Variants in BBS9 observed in about 807,000 individuals in gnomAD.
BBS9 encodes protein PTHB1.
A neutral mutation model predicts 117.7 loss-of-function variants in BBS9; 89 were observed. That is an observed-to-expected ratio of 0.76 (90% confidence interval 0.64 to 0.90). The LOEUF (loss-of-function observed/expected upper bound fraction) is 0.90, where lower values mean the gene tolerates loss of function less well. Among genes scored for constraint, BBS9 ranks in the 40% least tolerant of loss-of-function variants. BBS9 has a pLI of 0.00. For synonymous variants in BBS9, 379 were observed against 370.9 expected (o/e 1.02, Z -0.25); for missense variants, 982 against 1,042.2 (o/e 0.94, Z 0.80).
At chr7:33,467,307 GCTATATC>G (rs372004392) in intron 19 of BBS9, among the ~76,000 whole-genome samples, 349 of 152,122 alleles carry the variant, frequency 2.3e-3, no homozygotes, top group African/African-American at 8.0e-3. Context: ...AGAATGACAT[GCTATATC>G]CTTGTTTGTT....
chr7:33,518,439 C>T (rs983678118), intron 20 of BBS9, among the ~76,000 whole-genome samples: 13 of 151,472 alleles, frequency 8.6e-5, no homozygotes, highest in Non-Finnish European at 1.5e-4. Context: ...TTAATAGAGA[C>T]GGGGTTTCAT....
rs538324339 is a variant in BBS9 at position 33,292,776 on chromosome 7, G to A, written c.1016+18820G>A. On this transcript the variant is annotated intron_variant, in intron 9 of 22. Coordinates refer to ENST00000242067, the MANE Select transcript of BBS9 (RefSeq NM_198428.3). ...CTCTCCCAGCACTTTGGGAAGCCAA[G>A]GCAGGTGGATCACGAGATCAGGACT... Among the ~76,000 whole-genome samples, 33 of 152,202 alleles carry A rather than the reference G, an allele frequency of 2.2e-4. No homozygotes were observed. The South Asian group carries it at 6.8e-3, about 32-fold the overall frequency.
chr7:33,609,363 C>G (rs747290955), downstream of BBS9, among the ~76,000 whole-genome samples: 1 of 152,138 alleles, frequency 6.6e-6, no homozygotes, highest in Non-Finnish European at 1.5e-5. Context: ...TCTTCATTAG[C>G]TAGATTATTA....
intron 16 of BBS9, among the ~76,000 whole-genome samples, chr7:33,360,116 A>G (rs1179429946): frequency 2.0e-5 from 3 of 152,192 alleles, no homozygotes; most frequent in Admixed American, 6.5e-5. Context: ...TCCATACTAT[A>G]AAATCATTTG....
chr7:33,270,163 C>G (rs992207884), intron 7 of BBS9, among the ~76,000 whole-genome samples: 2 of 152,032 alleles, frequency 1.3e-5, no homozygotes, highest in African/African-American at 4.8e-5. Context: ...AAAAACCTTG[C>G]AGAAAGCTTC....
intron 8 of BBS9, 93 bp downstream of exon 8, chr7:33,273,288 T>C: frequency 7.7e-7 from 1 of 1,296,254 alleles, no homozygotes; most frequent in Non-Finnish European, 1.1e-6. Flanking sequence ...ATTGTAAACA[T>C]ATATGAAAAC....
At chr7:33,446,411 A>T (rs1025382220) in intron 19 of BBS9, among the ~76,000 whole-genome samples, 1 of 152,234 alleles carries the variant, frequency 6.6e-6, no homozygotes, top group Non-Finnish European at 1.5e-5. Context: ...CCAAATGTTA[A>T]ATCTGTTTTT....
At chr7:33,289,714 A>G (rs1803616411) in intron 9 of BBS9, among the ~76,000 whole-genome samples, 1 of 152,084 alleles carries the variant, frequency 6.6e-6, no homozygotes, top group Admixed American at 6.5e-5. Flanking sequence ...TTTCTTGTAA[A>G]TGGGTAGTTA....
chr7:33,609,476 A>G (rs1200993271), downstream of BBS9, among the ~76,000 whole-genome samples: 1 of 152,148 alleles, frequency 6.6e-6, no homozygotes, highest in Non-Finnish European at 1.5e-5. Context: ...TTGCTTATTG[A>G]CAGAATAACT....
At chr7:33,401,102 C>A (rs534029084) in intron 19 of BBS9, among the ~76,000 whole-genome samples, 14 of 152,300 alleles carry the variant, frequency 9.2e-5, no homozygotes, top group African/African-American at 3.1e-4. Flanking sequence ...GAGAATTAGG[C>A]CCTCAGCCAA....
At chr7:33,210,130 T>G (rs532225636) in intron 5 of BBS9, among the ~76,000 whole-genome samples, 10 of 152,364 alleles carry the variant, frequency 6.6e-5, no homozygotes, top group Admixed American at 2.6e-4. Flanking sequence ...TCAATTTCCT[T>G]CTTAATTTCT....
At chr7:33,451,139 C>T (rs149968944) in intron 19 of BBS9, among the ~76,000 whole-genome samples, 11,292 of 152,116 alleles carry the variant, frequency 0.074, 473 homozygotes, top group East Asian at 0.14. Context: ...CTGCCTGCCT[C>T]GGCCTCCCAA....
chr7:33,178,818 A>G (rs1251367498), intron 5 of BBS9, among the ~76,000 whole-genome samples: 2 of 152,076 alleles, frequency 1.3e-5, no homozygotes, highest in African/African-American at 4.8e-5. Flanking sequence ...AAGACAAGGA[A>G]TAATTGAATT....
At chr7:33,326,751 CCCAGGGTATGTTTAGAAATGTCAT>C (rs1308260005) in intron 9 of BBS9, among the ~76,000 whole-genome samples, 2 of 151,826 alleles carry the variant, frequency 1.3e-5, no homozygotes, top group African/African-American at 4.8e-5. Context: ...TCCCTTCTGG[CCCAGGGTATGTTTAGAAATGTCAT>C]CTAGGAGCTA....
chr7:33,200,188 TCACCTGTG>T (rs1785611006), intron 5 of BBS9, among the ~76,000 whole-genome samples: 1 of 152,156 alleles, frequency 6.6e-6, no homozygotes, highest in African/African-American at 2.4e-5. Context: ...CTGTTGCTGG[TCACCTGTG>T]CACGTTCAAA....
At chr7:33,300,993 A>G (rs987057399) in intron 9 of BBS9, among the ~76,000 whole-genome samples, 15 of 152,260 alleles carry the variant, frequency 9.9e-5, no homozygotes, top group African/African-American at 2.9e-4. Context: ...ATATCAGTCC[A>G]TTGGTCCATC....
intron 21 of BBS9, among the ~76,000 whole-genome samples, chr7:33,590,382 A>T (rs575119351): frequency 1.3e-5 from 2 of 149,312 alleles, no homozygotes; most frequent in Admixed American, 6.6e-5. Flanking sequence ...TCTATTATTG[A>T]TCTGGACCCT....
intron 19 of BBS9, among the ~76,000 whole-genome samples, chr7:33,431,795 G>A (rs1376429958): frequency 6.6e-6 from 1 of 152,296 alleles, no homozygotes; most frequent in East Asian, 1.9e-4. Flanking sequence ...AGAGCCATAT[G>A]TTTAATGGAA....
At chr7:33,452,453 G>A (rs1241673012) in intron 19 of BBS9, among the ~76,000 whole-genome samples, 1 of 152,054 alleles carries the variant, frequency 6.6e-6, no homozygotes, top group Non-Finnish European at 1.5e-5. Context: ...TTTACTTGTA[G>A]GAAAGTGCTG....
Sources: allele counts gnomAD v4.1 joint callset (sites outside exome capture counted in the v4.1 genomes callset), GRCh38; gene constraint gnomAD v4.1.1; transcripts MANE v1.5; gene names NCBI Gene and HGNC (gene_info 2026-07-23, HGNC 2026-07-21).